The following CFI variants were observed in gnomAD, a reference collection of about 807,000 sequenced individuals.
CFI encodes complement factor I.
In CFI, 66 loss-of-function variants were observed where a neutral mutation model predicts 78.8. The observed-to-expected ratio is 0.84, with a 90% confidence interval of 0.69 to 1.03. The LOEUF (loss-of-function observed/expected upper bound fraction) is 1.03, where lower values mean the gene tolerates loss of function less well. CFI is among the 50% of genes least tolerant of loss of function. The pLI is 0.00. For missense variants in CFI, 706 were observed against 704.5 expected, an observed-to-expected ratio of 1.00 and a Z score of -0.02; for synonymous variants, 250 against 232.6, an observed-to-expected ratio of 1.07 and a Z score of -0.68.
chr4:109,756,866 C>T (rs139572904), intron 7 of CFI, among the ~76,000 whole-genome samples: 47 of 126,422 alleles, frequency 3.7e-4, no homozygotes, highest in African/African-American at 1.4e-3. Flanking sequence ...ACCGAGACTC[C>T]GTCTCGAAAG....
At position 109,741,094 on chromosome 4, in the gene CFI, G is replaced by A. The variant is rs752801286; in HGVS notation, c.1551C>T (p.Ser517=). 6.2e-7 allele frequency: 1 copy of A among 1,614,080 alleles called. No individual in the cohort carries two copies. Among genetic ancestry groups the A allele is most frequent in the South Asian group, 1.1e-5 (1 of 91,076 alleles). The change falls in exon 13 of 13, where the codon TCC becomes TCT. Residue 517 remains serine (S), a synonymous_variant. Coordinates refer to ENST00000394634, the MANE Select transcript of CFI (RefSeq NM_000204.5). The part of the protein sequence containing the change: ...EMECAGTYDG[S]IDACKGDSGG... The stretch of plus-strand genomic sequence containing the variant: ...CAGAGTCCCCTTTACAGGCATCGAT[G>A]GAACCATCATATGTACCTAAGAAAG...
At chr4:109,786,184 C>T (rs533529027) in intron 1 of CFI, among the ~76,000 whole-genome samples, 1 of 152,094 alleles carries the variant, frequency 6.6e-6, no homozygotes, top group African/African-American at 2.4e-5. Context: ...GTGCCTGCCA[C>T]CATGCCCGGC....
At chr4:109,785,197 G>A (rs1730589751) in intron 1 of CFI, among the ~76,000 whole-genome samples, 1 of 152,010 alleles carries the variant, frequency 6.6e-6, no homozygotes, top group African/African-American at 2.4e-5. Flanking sequence ...GCACCCAGGT[G>A]ATTAAAAAGC....
At chr4:109,766,443 A>G in intron 2 of CFI, 111 bp downstream of exon 2, 2 of 1,319,144 alleles carry the variant, frequency 1.5e-6, no homozygotes, top group African/African-American at 1.5e-5. Context: ...CTAGAAAAAA[A>G]TTTTGAGTTG....
intron 1 of CFI, among the ~76,000 whole-genome samples, chr4:109,790,537 G>A (rs191441068): frequency 6.6e-6 from 1 of 152,134 alleles, no homozygotes; most frequent in East Asian, 1.9e-4. Context: ...GTATCACCCA[G>A]GTATTAAGCC....
intron 1 of CFI, among the ~76,000 whole-genome samples, chr4:109,775,711 T>C (rs977550853): frequency 9.8e-5 from 15 of 152,346 alleles, no homozygotes; most frequent in East Asian, 3.9e-4. Flanking sequence ...AGTGGGTTCA[T>C]GACCCCCGAG....
At chr4:109,794,293 G>A (rs764962177) in intron 1 of CFI, 4 of 152,004 alleles carry the variant, frequency 2.6e-5, no homozygotes, top group Non-Finnish European at 4.4e-5. Context: ...GGTGTCACAC[G>A]AGTCTCATAG....
intron 1 of CFI, among the ~76,000 whole-genome samples, chr4:109,781,729 T>C (rs577714247): frequency 1.3e-5 from 2 of 152,194 alleles, no homozygotes; most frequent in African/African-American, 4.8e-5. Context: ...CAGACTGATA[T>C]CTTTGAAGAA....
At chr4:109,783,418 A>C (rs1450897099) in intron 1 of CFI, among the ~76,000 whole-genome samples, 3 of 152,152 alleles carry the variant, frequency 2.0e-5, no homozygotes, top group Non-Finnish European at 4.4e-5. Context: ...CAAACATATG[A>C]AAAAATGCTC....
intron 10 of CFI, 130 bp from the exon 11 acceptor site, chr4:109,746,632 T>C: frequency 1.4e-6 from 1 of 738,156 alleles, no homozygotes; most frequent in South Asian, 2.0e-5. Context: ...AAATGCTTGC[T>C]GTCATGAAGC....
chr4:109,789,018 C>T lies in CFI; in HGVS notation c.57+12897G>A, dbSNP rs570983102. Among the ~76,000 whole-genome samples the T allele has an allele frequency of 2.1e-3, 316 of 151,858 alleles. 1 individual carries two copies. Among genetic ancestry groups the T allele is most frequent in the African/African-American group, 7.0e-3 (292 of 41,472 alleles). The stretch of plus-strand genomic sequence containing the variant: ...TTCCACATGTTCAAAAATAAAGACA[C>T]AGATGATATGAAAAGGATCCAAATT... On this transcript the variant is annotated intron_variant, in intron 1 of 12. Transcript: ENST00000394634.
chr4:109,752,345 T>G (rs1725244550), intron 8 of CFI, 123 bp downstream of exon 8: 2 of 825,904 alleles, frequency 2.4e-6, no homozygotes, highest in East Asian at 5.4e-5. Context: ...TAATGTTATA[T>G]TTTTTAATTT....
chr4:109,800,464 T>C (rs571485292), intron 1 of CFI, among the ~76,000 whole-genome samples: 1 of 150,996 alleles, frequency 6.6e-6, no homozygotes, highest in African/African-American at 2.4e-5. Flanking sequence ...CCCAAAGTAC[T>C]GGGATTACAT....
the CFI span, among the ~76,000 whole-genome samples, chr4:109,734,312 A>C: frequency 6.6e-6 from 1 of 152,248 alleles, no homozygotes; most frequent in South Asian, 2.1e-4. Flanking sequence ...AGCCAAGTGC[A>C]GCAGAAGTGG....
At position 109,756,351 on chromosome 4, in the gene CFI, A is replaced by C. The variant is rs150572521; in HGVS notation, c.904+1412T>G. ...GGGAGGGAAAAAAGGAATAGAGAAG[A>C]AGCAGCAGGAGGAGGAGGAGGACGA... On this transcript the variant is annotated intron_variant, in intron 7 of 12. Transcript: ENST00000394634. Among the ~76,000 whole-genome samples the C allele has an allele frequency of 2.8e-3, 419 of 149,426 alleles. 1 individual carries two copies. Among genetic ancestry groups the C allele is most frequent in the Non-Finnish European group, 5.1e-3 (340 of 67,298 alleles).
intron 3 of CFI, among the ~76,000 whole-genome samples, chr4:109,763,708 C>T (rs953146752): frequency 2.6e-5 from 4 of 151,822 alleles, no homozygotes; most frequent in African/African-American, 9.7e-5. Context: ...ATCTAGAACC[C>T]TGCACGTGGA....
At chr4:109,735,718 G>A (rs116154738), downstream of CFI, among the ~76,000 whole-genome samples, 1,079 of 152,334 alleles carry the variant, frequency 7.1e-3, 12 homozygotes, top group African/African-American at 0.025. Context: ...CGGGAATCAG[G>A]CGGATGAGAG....
At chr4:109,764,750 A>G in intron 2 of CFI, 60 bp from the exon 3 acceptor site, 1 of 1,451,750 alleles carries the variant, frequency 6.9e-7, no homozygotes, top group Non-Finnish European at 9.4e-7. Context: ...TCTCTTAATT[A>G]AAAGTCTTTA....
chr4:109,793,522 C>A (rs1731642411), intron 1 of CFI: 1 of 152,142 alleles, frequency 6.6e-6, no homozygotes, highest in African/African-American at 2.4e-5. Context: ...CACTGTATTT[C>A]TTTATTTTAA....
Sources: allele counts gnomAD v4.1 joint callset (sites outside exome capture counted in the v4.1 genomes callset), GRCh38; gene constraint gnomAD v4.1.1; transcripts MANE v1.5; gene names NCBI Gene and HGNC (gene_info 2026-07-23, HGNC 2026-07-21).